CNTNAP3: variants seen among roughly 807,000 people sequenced by gnomAD.
CNTNAP3 encodes contactin-associated protein-like 3.
In CNTNAP3, 36 loss-of-function variants were observed where a neutral mutation model predicts 92.1. That is an observed-to-expected ratio of 0.39 (90% CI 0.30 to 0.52). The LOEUF is 0.52. CNTNAP3 is among the 20% of genes least tolerant of loss of function. The probability of loss-of-function intolerance (pLI) is 0.76; values close to 1 mark genes in which losing one functional copy is unlikely to be tolerated. For missense variants in CNTNAP3, 534 were observed against 1,069.6 expected (o/e 0.50, Z 6.98); for synonymous variants, 232 against 422.3 (o/e 0.55, Z 5.53).
chr9:39,093,771 G>A (rs1826266698), intron 18 of CNTNAP3, among the ~76,000 whole-genome samples: 1 of 151,414 alleles, frequency 6.6e-6, no homozygotes, highest in Non-Finnish European at 1.5e-5. Context: ...TTCATGTGTT[G>A]ATGGACACTT....
chr9:39,094,188 C>T (rs1826277188), intron 18 of CNTNAP3, among the ~76,000 whole-genome samples: 1 of 151,484 alleles, frequency 6.6e-6, no homozygotes, highest in Admixed American at 6.6e-5. Flanking sequence ...AGAAATGTCT[C>T]ATCAAGTCCT....
chr9:39,149,521 T>G (rs2118138457), intron 10 of CNTNAP3, among the ~76,000 whole-genome samples: 1 of 151,238 alleles, frequency 6.6e-6, no homozygotes, highest in South Asian at 2.1e-4. Context: ...GGCTAATTTT[T>G]TTTTTTTTGT....
intron 16 of CNTNAP3, 127 bp downstream of exon 16, chr9:39,103,617 A>G (rs1007555656): frequency 8.6e-7 from 1 of 1,167,826 alleles, no homozygotes; most frequent in African/African-American, 1.6e-5. Context: ...CTAAAATCAT[A>G]GAAGTTTAGT....
chr9:39,121,419 T>C (rs1277695655), intron 13 of CNTNAP3, among the ~76,000 whole-genome samples: 1 of 152,100 alleles, frequency 6.6e-6, no homozygotes, highest in African/African-American at 2.4e-5. Context: ...CAATCTGATA[T>C]GACGTTAAGA....
chr9:39,114,544 G>GTATTTACTCGGTAAATATTTTC (rs1307749709), intron 14 of CNTNAP3, among the ~76,000 whole-genome samples: 3 of 151,962 alleles, frequency 2.0e-5, no homozygotes, highest in Non-Finnish European at 4.4e-5. Flanking sequence ...CTTTTGATTT[G>GTATTTACTCGGTAAATATTTTC]TATTTACTCG....
intron 15 of CNTNAP3, among the ~76,000 whole-genome samples, chr9:39,105,017 G>A (rs963705573): frequency 2.6e-5 from 4 of 152,118 alleles, no homozygotes; most frequent in African/African-American, 9.7e-5. Flanking sequence ...TTCATCCAAT[G>A]GTTTTACAAT....
Position 39,132,948 on chromosome 9 carries a change from C to A in CNTNAP3, c.2064G>T (p.Arg688=). The change falls in exon 13 of 24, where the codon CGG becomes CGT. Residue 688 remains arginine, a synonymous_variant. Coordinates refer to ENST00000297668, the MANE Select transcript of CNTNAP3 (RefSeq NM_033655.5). ...QRLALRCGTA[R]RPDSRDGTPL... ...GGCGCTTACCTCGTGAGTCCGGGCG[C>A]CGCGCCGTCCCGCAGCGCAGAGCCA... 1 of 1,545,894 alleles carries A rather than the reference C, an allele frequency of 6.5e-7. No homozygotes were observed.
At chr9:39,161,637 G>A (rs572141317) in intron 9 of CNTNAP3, among the ~76,000 whole-genome samples, 2 of 118,870 alleles carry the variant, frequency 1.7e-5, no homozygotes, top group African/African-American at 3.4e-5. Flanking sequence ...GCAACATAGC[G>A]AGACCTCGTC....
At position 39,118,243 on chromosome 9, in the gene CNTNAP3, G is replaced by A. The variant is rs558552315; in HGVS notation, c.2097C>T (p.Ser699=). The A allele has an allele frequency of 1.9e-6, 3 of 1,612,368 alleles. No homozygotes were observed. The highest frequency in any genetic ancestry group is 2.2e-5 in the East Asian group (1 of 44,862). The part of the protein sequence containing the change: ...RPDSRDGTPL[S]WWVGRTNETH... Reference sequence around the variant, plus strand: ...TTTCATTGGTTCTTCCAACCCACCAGCTCAGTGGGGTTCCATCTGAAAGAC... The same window carrying A: ...TTTCATTGGTTCTTCCAACCCACCAACTCAGTGGGGTTCCATCTGAAAGAC... The change falls in exon 14 of 24, where the codon AGC becomes AGT. Residue 699 remains serine (S), a synonymous_variant. Transcript: ENST00000297668.
intron 13 of CNTNAP3, among the ~76,000 whole-genome samples, chr9:39,126,285 T>A (rs188761599): frequency 0.018 from 2,755 of 152,238 alleles, 55 homozygotes; most frequent in East Asian, 0.11. Flanking sequence ...AGAAACAAAA[T>A]TTTTTAACTA....
intron 18 of CNTNAP3, among the ~76,000 whole-genome samples, chr9:39,093,450 C>A (rs1374538267): frequency 1.3e-5 from 2 of 150,458 alleles, no homozygotes; most frequent in African/African-American, 4.9e-5. Context: ...CAATGTTGTG[C>A]AATTATCACC....
At chr9:39,098,525 T>G (rs1188895340) in intron 18 of CNTNAP3, among the ~76,000 whole-genome samples, 1 of 152,188 alleles carries the variant, frequency 6.6e-6, no homozygotes, top group African/African-American at 2.4e-5. Context: ...AAGAAAATTT[T>G]GGGTTATAAA....
At position 39,070,481 on chromosome 9, in the gene CNTNAP3, A is replaced by T. The variant is rs1317135283; in HGVS notation, c.*3409T>A. On this transcript the variant is annotated 3_prime_UTR_variant, in exon 24 of 24. Transcript: ENST00000297668. ...AAAATCAAAACAACGGAATTCATGG[A>T]TATAGAGTAGAAGGATGGTTAGTAA... Among the ~76,000 whole-genome samples, 2 of 143,108 alleles carry T rather than the reference A, an allele frequency of 1.4e-5. No individual in the cohort carries two copies. The highest frequency in any genetic ancestry group is 1.4e-4 in the Admixed American group (2 of 14,426). The allele number at this position is 143,108 out of a possible 152,430, so 93.9% of individuals were successfully genotyped here. A position where few individuals can be genotyped will look rare whatever the true frequency, so the allele number is the denominator to read the frequency against.
chr9:39,234,193 T>C lies in CNTNAP3; in HGVS notation c.390+4800A>G, dbSNP rs1401402199. Among the ~76,000 whole-genome samples, 2 of 29,962 alleles carry C rather than the reference T, an allele frequency of 6.7e-5. 1 individual carries two copies. The highest frequency in any genetic ancestry group is 1.2e-4 in the African/African-American group (2 of 16,818). 19.7% of individuals were successfully genotyped at this position (29,962 alleles called of 152,430 possible). On this transcript the variant is annotated intron_variant, in intron 3 of 23. Coordinates refer to ENST00000297668, the MANE Select transcript of CNTNAP3 (RefSeq NM_033655.5). ...AAAATTTCACAATGAATTAAAAAGT[T>C]CTATATTTCCTTGCAGATTTAATTC...
intron 15 of CNTNAP3, among the ~76,000 whole-genome samples, chr9:39,108,252 T>C (rs1826654155): frequency 6.6e-6 from 1 of 151,928 alleles, no homozygotes; most frequent in Admixed American, 6.6e-5. Context: ...GACTCCTTCA[T>C]CAAGCAGGAG....
In CNTNAP3 at chr9:39,068,243, C is replaced by CAAAAAAAAAAAAAAAAAAAAAAAAAAAAA. The variant is rs1198106886; in HGVS notation, c.*5646_*5647insTTTTTTTTTTTTTTTTTTTTTTTTTTTTT. 1.5e-5 allele frequency among the ~76,000 whole-genome samples: 2 copies of CAAAAAAAAAAAAAAAAAAAAAAAAAAAAA among 129,354 alleles called. No homozygotes were observed. The highest frequency in any genetic ancestry group is 2.9e-5 in the African/African-American group (1 of 34,740). 84.9% of individuals were successfully genotyped at this position (129,354 alleles called of 152,430 possible). ...TGAAACCTTGCCTCCACTAAAAATA[C>CAAAAAAAAAAAAAAAAAAAAAAAAAAAAA]AAAAAAAAAAAAAAAAAAAAAAATT... On this transcript the variant is annotated 3_prime_UTR_variant, in exon 24 of 24. Transcript: ENST00000297668.
At chr9:39,141,905 A>G (rs541269742) in intron 11 of CNTNAP3, among the ~76,000 whole-genome samples, 92 of 152,290 alleles carry the variant, frequency 6.0e-4, no homozygotes, top group African/African-American at 2.1e-3. Flanking sequence ...ATTAATAATT[A>G]TATACAATTA....
intron 4 of CNTNAP3, among the ~76,000 whole-genome samples, chr9:39,179,286 T>TCTACACACACACAC (rs1491209886): frequency 1.4e-4 from 11 of 80,756 alleles, no homozygotes; most frequent in African/African-American, 5.7e-4. Context: ...TCTCTCTCTC[T>TCTACACACACACAC]ACACACACAC....
rs1428924285 is a variant in CNTNAP3 at position 39,067,685 on chromosome 9, T to G, written c.*6205A>C. Among the ~76,000 whole-genome samples the G allele has an allele frequency of 6.6e-6, 1 of 152,308 alleles. No homozygotes were observed. The highest frequency in any genetic ancestry group is 1.5e-5 in the Non-Finnish European group (1 of 68,056). ...TGCTGGGATTACAGGCATGAGCCAC[T>G]GTGCCCGGCCTGGTGTTGGATAGTT... is the stretch of plus-strand genomic sequence containing the variant. On this transcript the variant is annotated 3_prime_UTR_variant, in exon 24 of 24. Transcript: ENST00000297668.
Sources: gnomAD v4.1 joint callset for allele counts (sites outside exome capture counted in the v4.1 genomes callset) on GRCh38, gnomAD v4.1.1 for gene constraint, MANE v1.5 for transcripts, NCBI Gene and HGNC (gene_info 2026-07-23, HGNC 2026-07-21) for gene names.